ADAMTSL1: variants seen among roughly 807,000 people sequenced by gnomAD.
The protein encoded by ADAMTSL1 is ADAMTS-like protein 1.
In ADAMTSL1, 126 loss-of-function variants were observed where a neutral mutation model predicts 201.8. The observed-to-expected ratio is 0.62, with a 90% CI of 0.54 to 0.72. ADAMTSL1 has a LOEUF of 0.72. Among genes scored for constraint, ADAMTSL1 ranks in the 30% least tolerant of loss-of-function variants. The pLI, the probability that ADAMTSL1 is intolerant of heterozygous loss-of-function variation, is 0.00. For missense variants in ADAMTSL1, 2,679 were observed against 2,277.8 expected (o/e 1.18, Z -3.59); for synonymous variants, 1,121 against 903.4 (o/e 1.24, Z -4.32).
intron 7 of ADAMTSL1, among the ~76,000 whole-genome samples, chr9:18,642,369 T>C (rs1192039827): frequency 5.3e-5 from 8 of 152,058 alleles, no homozygotes; most frequent in Non-Finnish European, 1.2e-4. Flanking sequence ...ATGTATACTT[T>C]GGGGAACAGC....
chr9:17,979,069 G>A (rs1818577169), intron 1 of ADAMTSL1, among the ~76,000 whole-genome samples: 1 of 151,826 alleles, frequency 6.6e-6, no homozygotes, highest in Non-Finnish European at 1.5e-5. Flanking sequence ...GTCTATGCGT[G>A]TGACAATCTC....
intron 1 of ADAMTSL1, among the ~76,000 whole-genome samples, chr9:18,498,272 G>T (rs2131890268): frequency 6.6e-6 from 1 of 151,722 alleles, no homozygotes; most frequent in African/African-American, 2.4e-5. Flanking sequence ...ACTATGCTAG[G>T]TACTTCACAT....
intron 16 of ADAMTSL1, among the ~76,000 whole-genome samples, chr9:18,759,818 A>C (rs1001300568): frequency 6.6e-6 from 1 of 152,250 alleles, no homozygotes; most frequent in African/African-American, 2.4e-5. Flanking sequence ...GAGTCAAGAA[A>C]GCTTGAGACT....
At chr9:18,422,597 C>A (rs1397394379) in intron 2 of ADAMTSL1, among the ~76,000 whole-genome samples, 2 of 152,154 alleles carry the variant, frequency 1.3e-5, no homozygotes, top group Non-Finnish European at 2.9e-5. Flanking sequence ...CCCCTGCATG[C>A]CTCCGTGTCC....
At chr9:18,254,784 A>T (rs956625766) in intron 2 of ADAMTSL1, among the ~76,000 whole-genome samples, 1 of 151,896 alleles carries the variant, frequency 6.6e-6, no homozygotes, top group African/African-American at 2.4e-5. Flanking sequence ...GTATGTATAA[A>T]GTTATTAGCT....
intron 2 of ADAMTSL1, among the ~76,000 whole-genome samples, chr9:18,206,073 A>G: frequency 7.1e-6 from 1 of 140,850 alleles, no homozygotes; most frequent in East Asian, 2.0e-4. Flanking sequence ...AAAAAAAAAA[A>G]AAAAAAAAAA....
intron 1 of ADAMTSL1, among the ~76,000 whole-genome samples, chr9:18,126,162 T>C (rs1238401847): frequency 6.6e-6 from 1 of 152,238 alleles, no homozygotes; most frequent in African/African-American, 2.4e-5. Context: ...TTCTGTAATA[T>C]ACTCCAGTGA....
chr9:18,715,928 C>T lies in ADAMTSL1; in HGVS notation c.1877-5608C>T, dbSNP rs1359135369. 5.9e-4 allele frequency among the ~76,000 whole-genome samples: 90 copies of T among 151,580 alleles called. 1 individual carries two copies. The highest frequency in any genetic ancestry group is 9.7e-4 in the East Asian group (5 of 5,158). Reference sequence around the variant, plus strand: ...AACAGAACAGAGCCCTCAGAAATAACGCCGCATATCTACAACTATCTGATC... The same window carrying T: ...AACAGAACAGAGCCCTCAGAAATAATGCCGCATATCTACAACTATCTGATC... On this transcript the variant is annotated intron_variant, in intron 14 of 28. Coordinates refer to ENST00000380548, the MANE Select transcript of ADAMTSL1 (RefSeq NM_001040272.6).
chr9:18,856,169 C>A (rs1273320097), intron 23 of ADAMTSL1, among the ~76,000 whole-genome samples: 2 of 151,846 alleles, frequency 1.3e-5, no homozygotes, highest in Admixed American at 1.3e-4. Context: ...TGAAATGATG[C>A]CAAAAATGGT....
chr9:18,375,007 G>A (rs971593707), intron 2 of ADAMTSL1, among the ~76,000 whole-genome samples: 1 of 152,194 alleles, frequency 6.6e-6, no homozygotes, highest in East Asian at 1.9e-4. Flanking sequence ...TCACTGGCAT[G>A]GGTACCTTCG....
intron 1 of ADAMTSL1, among the ~76,000 whole-genome samples, chr9:18,157,935 G>T (rs900237422): frequency 6.6e-6 from 1 of 151,980 alleles, no homozygotes; most frequent in African/African-American, 2.4e-5. Flanking sequence ...TGATAGAGCA[G>T]TATGTATGCA....
chr9:18,326,935 G>A (rs1834850371), intron 2 of ADAMTSL1, among the ~76,000 whole-genome samples: 4 of 152,084 alleles, frequency 2.6e-5, no homozygotes, highest in Admixed American at 2.6e-4. Flanking sequence ...AAAAAATTGA[G>A]ACCAGTTAAA....
At position 18,689,537 on chromosome 9, in the gene ADAMTSL1, A is replaced by G. The variant is rs142926291; in HGVS notation, c.1574+4737A>G. 1.3e-3 allele frequency among the ~76,000 whole-genome samples: 201 copies of G among 152,184 alleles called. 7 individuals are homozygous for G. In the East Asian group the frequency reaches 0.033, roughly 25 times the overall value. ...ATATTTTTTAAAAAAAAGGAAAAAG[A>G]AAAAAGAAAAAAAGGTATAGTCTGG... On this transcript the variant is annotated intron_variant, in intron 13 of 28. Transcript: ENST00000380548.
chr9:18,148,674 T>A (rs187743546), intron 1 of ADAMTSL1, among the ~76,000 whole-genome samples: 6 of 152,226 alleles, frequency 3.9e-5, no homozygotes, highest in Admixed American at 3.9e-4. Context: ...TAAAAATTAA[T>A]AAGCAGGACC....
Position 18,908,515 on chromosome 9 carries a change from A to G in ADAMTSL1, c.5256A>G (p.Lys1752=), listed in dbSNP as rs374551711. The G allele has an allele frequency of 1.9e-6, 3 of 1,563,402 alleles. No individual in the cohort carries two copies. In the African/African-American group the frequency reaches 4.1e-5, roughly 21 times the overall value. ...QLKLCQLSQF[K]SRCCGTCGKA ...AACTCTGCCAACTCAGCCAGTTTAA[A>G]TCTCGCTGCTGTGGAACTTGTGGCA... The change falls in exon 29 of 29, where the codon AAA becomes AAG. Residue 1752 remains lysine (K), a synonymous_variant. Coordinates refer to ENST00000380548, the MANE Select transcript of ADAMTSL1 (RefSeq NM_001040272.6).
intron 28 of ADAMTSL1, chr9:18,907,978 G>A (rs540068203): frequency 7.7e-4 from 141 of 183,478 alleles, no homozygotes; most frequent in African/African-American, 2.7e-3. Context: ...GGCACCCGAC[G>A]CAAGTCTCAC....
intron 15 of ADAMTSL1, chr9:18,723,092 G>T: frequency 1.3e-6 from 1 of 776,724 alleles, no homozygotes; most frequent in South Asian, 1.4e-5. Flanking sequence ...TTCTCATCCT[G>T]CTGTCACCAA....
intron 1 of ADAMTSL1, among the ~76,000 whole-genome samples, chr9:17,946,974 TACAAAATA>T (rs1326523546): frequency 1.3e-5 from 2 of 152,090 alleles, no homozygotes; most frequent in African/African-American, 4.8e-5. Context: ...AGGGTTGATT[TACAAAATA>T]GTTCTACAAG....
intron 23 of ADAMTSL1, among the ~76,000 whole-genome samples, chr9:18,837,793 T>C (rs754466024): frequency 3.3e-5 from 5 of 152,178 alleles, no homozygotes; most frequent in Non-Finnish European, 7.3e-5. Flanking sequence ...CCCAAAAACC[T>C]AAATTATTTC....
Sources: allele counts gnomAD v4.1 joint callset (sites outside exome capture counted in the v4.1 genomes callset), GRCh38; gene constraint gnomAD v4.1.1; transcripts MANE v1.5; gene names NCBI Gene and HGNC (gene_info 2026-07-23, HGNC 2026-07-21).